Variants in CCDC50 observed in about 807,000 individuals in gnomAD.
The protein encoded by CCDC50 is coiled-coil domain containing 50, also known as coiled-coil domain-containing protein 50.
A neutral mutation model predicts 70.2 loss-of-function variants in CCDC50; 54 were observed. That is an observed-to-expected ratio of 0.77 (90% CI 0.62 to 0.96). The LOEUF (loss-of-function observed/expected upper bound fraction) is 0.96, where lower values mean the gene tolerates loss of function less well. Among genes scored for constraint, CCDC50 ranks in the 50% least tolerant of loss-of-function variants. CCDC50 has a pLI of 0.00. For synonymous variants in CCDC50, 216 were observed against 198.8 expected (o/e 1.09, Z -0.73); for missense variants, 558 against 578.7 (o/e 0.96, Z 0.37).
chr3:191,382,730 G>T lies in CCDC50; in HGVS notation c.1243-16G>T. ...GTGTGTTATTTTTGTTTGTTTGTTT[G>T]TATTTTTGTCCATAGCCAAAAACAG... On this transcript the variant is annotated splice_polypyrimidine_tract_variant and intron_variant, in intron 9 of 11. Transcript: ENST00000392455. The T allele has an allele frequency of 1.3e-6, 2 of 1,553,910 alleles. No homozygotes were observed. The highest frequency in any genetic ancestry group is 1.8e-6 in the Non-Finnish European group (2 of 1,126,746).
At chr3:191,365,737 A>G (rs1576963211) in intron 4 of CCDC50, among the ~76,000 whole-genome samples, 1 of 152,114 alleles carries the variant, frequency 6.6e-6, no homozygotes, top group Admixed American at 6.5e-5. Flanking sequence ...TAAACTCCAG[A>G]TTTCCTCTTT....
chr3:191,382,359 G>A (rs1039387916), intron 9 of CCDC50, among the ~76,000 whole-genome samples: 3 of 152,160 alleles, frequency 2.0e-5, no homozygotes, highest in Admixed American at 6.5e-5. Context: ...CCTGGATTCC[G>A]TAGACTCTGG....
chr3:191,346,652 T>G (rs551039771), intron 1 of CCDC50, among the ~76,000 whole-genome samples: 2 of 152,286 alleles, frequency 1.3e-5, no homozygotes, highest in East Asian at 3.9e-4. Context: ...AGAATGTGAG[T>G]GCTTTGAGGC....
chr3:191,335,755 G>A (rs1215933169), intron 1 of CCDC50, among the ~76,000 whole-genome samples: 1 of 152,008 alleles, frequency 6.6e-6, no homozygotes, highest in Non-Finnish European at 1.5e-5. Flanking sequence ...ATTTATCAGT[G>A]GTTCTTTCCT....
chr3:191,352,963 TA>T (rs1294043035), intron 1 of CCDC50, among the ~76,000 whole-genome samples: 1 of 128,288 alleles, frequency 7.8e-6, no homozygotes, highest in Non-Finnish European at 1.7e-5. Flanking sequence ...GATCCAGCTT[TA>T]TTTTTTTTTT....
chr3:191,368,750 A>G (rs899273782), intron 4 of CCDC50, among the ~76,000 whole-genome samples: 3 of 152,116 alleles, frequency 2.0e-5, no homozygotes, highest in Non-Finnish European at 2.9e-5. Context: ...CAAATTACCA[A>G]TGATTGTTAT....
At chr3:191,339,638 C>T (rs995250643) in intron 1 of CCDC50, among the ~76,000 whole-genome samples, 1 of 152,166 alleles carries the variant, frequency 6.6e-6, no homozygotes, top group Non-Finnish European at 1.5e-5. Context: ...CTTCAAGAAG[C>T]TTTCTGAATA....
chr3:191,377,966 T>TA (rs1215542589), intron 6 of CCDC50, among the ~76,000 whole-genome samples: 1 of 152,166 alleles, frequency 6.6e-6, no homozygotes, highest in African/African-American at 2.4e-5. Context: ...TAATTACATT[T>TA]AAAAAATTTT....
In CCDC50 at chr3:191,389,524, G is replaced by A. The variant is rs1395183408; in HGVS notation, c.1351G>A (p.Glu451Lys). 1.2e-6 allele frequency: 2 copies of A among 1,613,998 alleles called. No individual in the cohort carries two copies. The highest frequency in any genetic ancestry group is 2.2e-5 in the South Asian group (2 of 91,082). The stretch of plus-strand genomic sequence containing the variant: ...ACCACCACCTATCATGACAGATGGT[G>A]AAGATGCGGATTACACTCATTTTAC... ...RPPPPIMTDGEDADYTHFTNQ... is the reference protein window; with the variant it reads ...RPPPPIMTDGKDADYTHFTNQ... The change falls in exon 11 of 12, where the codon GAA becomes AAA. Residue 451 changes from glutamate (E) to lysine (K), a missense_variant. Physicochemically the swap from Glu to Lys is moderately conservative, Grantham distance 56. Coordinates refer to ENST00000392455, the MANE Select transcript of CCDC50 (RefSeq NM_178335.3).
At chr3:191,337,794 C>A (rs1281944201) in intron 1 of CCDC50, among the ~76,000 whole-genome samples, 1 of 151,868 alleles carries the variant, frequency 6.6e-6, no homozygotes, top group African/African-American at 2.4e-5. Flanking sequence ...TCATGAGTAT[C>A]CAACAGATTT....
chr3:191,379,639 A>G (rs1713238416), intron 6 of CCDC50, among the ~76,000 whole-genome samples: 1 of 152,102 alleles, frequency 6.6e-6, no homozygotes, highest in Non-Finnish European at 1.5e-5. Context: ...AAGCCATGGC[A>G]GGACCACTGC....
chr3:191,385,978 G>A (rs1183011808), intron 10 of CCDC50, among the ~76,000 whole-genome samples: 2 of 151,990 alleles, frequency 1.3e-5, no homozygotes, highest in Admixed American at 6.6e-5. Context: ...TGTTACATTG[G>A]TCTGTGTGTC....
intron 1 of CCDC50, among the ~76,000 whole-genome samples, chr3:191,340,289 TTTGC>T (rs1711676747): frequency 1.3e-5 from 2 of 152,238 alleles, no homozygotes; most frequent in African/African-American, 4.8e-5. Context: ...TATACTATAA[TTTGC>T]TTGCGCCTTA....
At chr3:191,336,210 C>T (rs1392459545) in intron 1 of CCDC50, among the ~76,000 whole-genome samples, 6 of 151,202 alleles carry the variant, frequency 4.0e-5, no homozygotes, top group African/African-American at 7.3e-5. Context: ...CTGGGTTATA[C>T]GGTGAGTGCA....
chr3:191,384,895 C>G (rs1713437455), intron 10 of CCDC50, among the ~76,000 whole-genome samples: 1 of 152,264 alleles, frequency 6.6e-6, no homozygotes, highest in East Asian at 1.9e-4. Flanking sequence ...TTAGTTCCCA[C>G]TTATAAGTGA....
At chr3:191,343,765 C>T (rs1447125012) in intron 1 of CCDC50, among the ~76,000 whole-genome samples, 3 of 152,092 alleles carry the variant, frequency 2.0e-5, no homozygotes, top group African/African-American at 4.8e-5. Context: ...AATCAGAATC[C>T]AGGGTACTTC....
intron 1 of CCDC50, among the ~76,000 whole-genome samples, chr3:191,343,846 C>T (rs1168902046): frequency 1.3e-5 from 2 of 152,192 alleles, no homozygotes; most frequent in African/African-American, 2.4e-5. Context: ...AAGAATTGAA[C>T]TCCTCTAACT....
intron 3 of CCDC50, among the ~76,000 whole-genome samples, chr3:191,358,778 T>C (rs1373341726): frequency 6.6e-6 from 1 of 152,234 alleles, no homozygotes; most frequent in Admixed American, 6.5e-5. Flanking sequence ...AGAGTGGCTC[T>C]TACATCCTAA....
rs1216088588 is a variant in CCDC50 at position 191,398,135 on chromosome 3, TG to T, written c.*6378del. 6.6e-6 allele frequency: 1 copy of T among 152,222 alleles called. No homozygotes were observed. Among genetic ancestry groups the T allele is most frequent in the African/African-American group, 2.4e-5 (1 of 41,458 alleles). The allele number at this position is 152,222 out of a possible 1,614,324, so 9.4% of individuals were successfully genotyped here. On this transcript the variant is annotated 3_prime_UTR_variant, in exon 12 of 12. Transcript: ENST00000392455. ...TGGTGCTGGTGACTTTCATGTGTCT[TG>T]GGAGGTTGAGGTGTTCAACATCGTT...
Sources: gnomAD v4.1 joint callset for allele counts (sites outside exome capture counted in the v4.1 genomes callset) on GRCh38, gnomAD v4.1.1 for gene constraint, MANE v1.5 for transcripts, NCBI Gene and HGNC (gene_info 2026-07-23, HGNC 2026-07-21) for gene names.